ACTR3C: variants seen among roughly 807,000 people sequenced by gnomAD.
ACTR3C encodes the protein actin related protein 3C.
A neutral mutation model predicts 26.3 loss-of-function variants in ACTR3C; 18 were observed. That is an observed-to-expected ratio of 0.68 (90% CI 0.47 to 1.01). The LOEUF (loss-of-function observed/expected upper bound fraction) is 1.01, where lower values mean the gene tolerates loss of function less well. Ranked by LOEUF, ACTR3C falls within the 50% of genes least tolerant of loss-of-function variation. The pLI, the probability that ACTR3C is intolerant of heterozygous loss-of-function variation, is 0.00. For missense variants in ACTR3C, 184 were observed against 250.7 expected, an observed-to-expected ratio of 0.73 and a Z score of 1.80; for synonymous variants, 55 against 94.5, an observed-to-expected ratio of 0.58 and a Z score of 2.42.
chr7:149,988,100 G>A, the ACTR3C span, among the ~76,000 whole-genome samples: 2 of 152,182 alleles, frequency 1.3e-5, no homozygotes, highest in African/African-American at 4.8e-5. Flanking sequence ...GAACGTGTCT[G>A]CCCCAGTGGC....
the ACTR3C span, among the ~76,000 whole-genome samples, chr7:150,035,557 C>T: frequency 8.4e-6 from 1 of 119,386 alleles, no homozygotes; most frequent in East Asian, 2.2e-4. Flanking sequence ...GATGGGGGTC[C>T]GCAGAGCCGG....
chr7:149,900,453 G>C, the ACTR3C span, among the ~76,000 whole-genome samples: 1 of 151,836 alleles, frequency 6.6e-6, no homozygotes, highest in Non-Finnish European at 1.5e-5. Context: ...GAGATTACAG[G>C]CATAAGCCAC....
chr7:150,029,746 G>A, the ACTR3C span, among the ~76,000 whole-genome samples: 1 of 152,080 alleles, frequency 6.6e-6, no homozygotes, highest in Admixed American at 6.5e-5. Flanking sequence ...AAGCCCCATG[G>A]TGCCCTGCCC....
chr7:149,967,532 C>T, the ACTR3C span, among the ~76,000 whole-genome samples: 14 of 152,118 alleles, frequency 9.2e-5, no homozygotes, highest in African/African-American at 3.4e-4. Context: ...TGAGGTTGGG[C>T]CCCCTGTTGC....
At chr7:150,016,607 T>C in the ACTR3C span, among the ~76,000 whole-genome samples, 1 of 152,050 alleles carries the variant, frequency 6.6e-6, no homozygotes, top group Admixed American at 6.5e-5. Flanking sequence ...ATGCAGGAAA[T>C]GGGAAAAGAG....
chr7:150,157,319 G>T, the ACTR3C span, among the ~76,000 whole-genome samples: 4 of 151,944 alleles, frequency 2.6e-5, no homozygotes, highest in African/African-American at 9.7e-5. Context: ...CCTTGGGAGA[G>T]AATAGGCTGA....
chr7:149,993,882 C>T, the ACTR3C span, among the ~76,000 whole-genome samples: 3 of 152,186 alleles, frequency 2.0e-5, no homozygotes, highest in South Asian at 2.1e-4. Flanking sequence ...AAAATCCGAT[C>T]GCATGTTGAG....
chr7:150,070,507 G>A, the ACTR3C span, among the ~76,000 whole-genome samples: 2 of 152,186 alleles, frequency 1.3e-5, no homozygotes, highest in African/African-American at 4.8e-5. Flanking sequence ...CTGGAGTGCG[G>A]TGGTACTAAC....
the ACTR3C span, among the ~76,000 whole-genome samples, chr7:150,041,749 CAG>C: frequency 1.5e-3 from 192 of 124,694 alleles, 1 homozygote; most frequent in African/African-American, 6.0e-3. Flanking sequence ...TCCTAAGAGC[CAG>C]GGGGGGGAAG....
chr7:150,043,212 T>G, the ACTR3C span, among the ~76,000 whole-genome samples: 3 of 150,950 alleles, frequency 2.0e-5, no homozygotes, highest in Admixed American at 2.0e-4. Context: ...GCTTTCTTCT[T>G]GAACACCTCA....
At chr7:150,258,563 A>G (rs1156267007) in intron 6 of ACTR3C, among the ~76,000 whole-genome samples, 4 of 152,378 alleles carry the variant, frequency 2.6e-5, no homozygotes, top group African/African-American at 9.6e-5. Context: ...CTCCAAGTAC[A>G]TAATTGGAAC....
chr7:150,310,775 C>T lies in ACTR3C; in HGVS notation c.-52+12694G>A, dbSNP rs564893055. 7.9e-5 allele frequency among the ~76,000 whole-genome samples: 12 copies of T among 152,242 alleles called. No homozygotes were observed. In the South Asian group the frequency reaches 2.1e-3, roughly 26 times the overall value. On this transcript the variant is annotated intron_variant, in intron 1 of 7. Transcript: ENST00000683684. ...CCTCTCTCATGACTTTCTTTCTGCC[C>T]GTCTGCCTCCCAACTTATTCAATAT... is the stretch of plus-strand genomic sequence containing the variant.
chr7:150,047,520 C>T, the ACTR3C span: 5 of 660,184 alleles, frequency 7.6e-6, no homozygotes, highest in Non-Finnish European at 9.4e-6. Context: ...CCTGATTCCC[C>T]CCCCCACAGA....
chr7:150,038,791 C>CA, the ACTR3C span, among the ~76,000 whole-genome samples: 99 of 135,806 alleles, frequency 7.3e-4, no homozygotes, highest in Middle Eastern at 7.4e-3. Flanking sequence ...TCTCAGTCCC[C>CA]GCCTCGCGGG....
the ACTR3C span, among the ~76,000 whole-genome samples, chr7:149,982,800 G>A: frequency 6.6e-6 from 1 of 152,132 alleles, no homozygotes; most frequent in East Asian, 1.9e-4. Flanking sequence ...GAAAGTTTGG[G>A]TTGTCTACAC....
At chr7:149,948,585 CAT>C in the ACTR3C span, among the ~76,000 whole-genome samples, 1 of 151,372 alleles carries the variant, frequency 6.6e-6, no homozygotes, top group South Asian at 2.1e-4. Context: ...GGCCAGCAAA[CAT>C]GTGCAGAGAG....
chr7:150,034,524 G>A, the ACTR3C span, among the ~76,000 whole-genome samples: 1,837 of 151,508 alleles, frequency 0.012, 50 homozygotes, highest in South Asian at 0.035. Flanking sequence ...ACTGCAGTTT[G>A]GGATCCACAG....
intron 1 of ACTR3C, 193 bp downstream of exon 1, chr7:150,323,276 C>A (rs186242756): frequency 1.8e-3 from 455 of 248,112 alleles, no homozygotes; most frequent in Non-Finnish European, 2.8e-3. Context: ...GGCTGCGCTT[C>A]CGGAAGTAAC....
At chr7:150,066,653 A>G in the ACTR3C span, among the ~76,000 whole-genome samples, 43,498 of 152,068 alleles carry the variant, frequency 0.29, 6,253 homozygotes, top group African/African-American at 0.31. Context: ...TGGCATTCAC[A>G]TCGTTCACAG....
Sources: gnomAD v4.1 joint callset for allele counts (sites outside exome capture counted in the v4.1 genomes callset) on GRCh38, gnomAD v4.1.1 for gene constraint, MANE v1.5 for transcripts, NCBI Gene and HGNC (gene_info 2026-07-23, HGNC 2026-07-21) for gene names.